The following TDRD9 variants were observed in gnomAD, a reference collection of about 807,000 sequenced individuals.
The protein encoded by TDRD9 is ATP-dependent RNA helicase TDRD9.
TDRD9 carries 124 observed loss-of-function variants against 172.6 expected under a neutral mutation model. The ratio of observed to expected loss-of-function variants is 0.72; its 90% CI spans 0.62 to 0.83. The LOEUF (loss-of-function observed/expected upper bound fraction) is 0.83, where lower values mean the gene tolerates loss of function less well. Among genes scored for constraint, TDRD9 ranks in the 40% least tolerant of loss-of-function variants. The pLI, the probability that TDRD9 is intolerant of heterozygous loss-of-function variation, is 0.00. For missense variants in TDRD9, 1,479 were observed against 1,714.1 expected, an observed-to-expected ratio of 0.86 and a Z score of 2.42; for synonymous variants, 619 against 617.1, an observed-to-expected ratio of 1.00 and a Z score of -0.05.
intron 11 of TDRD9, among the ~76,000 whole-genome samples, chr14:103,995,116 A>G (rs1364636751): frequency 6.6e-6 from 1 of 152,104 alleles, no homozygotes; most frequent in African/African-American, 2.4e-5. Context: ...TGTTTTCTCA[A>G]TTCAGGAATT....
At chr14:103,973,406 G>A (rs910330294) in intron 6 of TDRD9, among the ~76,000 whole-genome samples, 2 of 151,986 alleles carry the variant, frequency 1.3e-5, no homozygotes, top group Non-Finnish European at 2.9e-5. Context: ...TGGTTCCCCC[G>A]ACCTGGCTTC....
chr14:104,022,382 A>G (rs2034984238), intron 24 of TDRD9, 52 bp downstream of exon 24: 2 of 1,562,910 alleles, frequency 1.3e-6, no homozygotes, highest in East Asian at 4.5e-5. Context: ...TCACATTCTC[A>G]GGTGCTATTT....
intron 8 of TDRD9, among the ~76,000 whole-genome samples, chr14:103,988,154 G>A (rs537004741): frequency 6.6e-6 from 1 of 151,080 alleles, no homozygotes; most frequent in Non-Finnish European, 1.5e-5. Context: ...TGTATCTCCT[G>A]TAGACAACAT....
intron 34 of TDRD9, among the ~76,000 whole-genome samples, chr14:104,047,658 C>T (rs1392814013): frequency 4.6e-5 from 7 of 152,160 alleles, no homozygotes; most frequent in Non-Finnish European, 8.8e-5. Context: ...CTGACACGGT[C>T]GATACGGCCT....
chr14:103,991,370 A>T, intron 9 of TDRD9, 146 bp downstream of exon 9: 3 of 849,384 alleles, frequency 3.5e-6, no homozygotes, highest in Admixed American at 6.1e-5. Context: ...TGTAACTTTC[A>T]GTTTGGCTTT....
In TDRD9 at chr14:103,965,392, T is replaced by C; in HGVS notation, c.480T>C (p.Gly160=). The C allele has an allele frequency of 6.4e-7, 1 of 1,551,614 alleles. No individual in the cohort carries two copies. The highest frequency in any genetic ancestry group is 8.7e-7 in the Non-Finnish European group (1 of 1,146,968). ...TTATCCATGGGGCCACGGGAAGCGG[T>C]AAAAGCACTCAGCTCCCGCAGTATA... The part of the protein sequence containing the change: ...VVIIHGATGS[G]KSTQLPQYIL... The change falls in exon 4 of 36, where the codon GGT becomes GGC. Residue 160 remains glycine, a synonymous_variant. Coordinates refer to ENST00000409874, the MANE Select transcript of TDRD9 (RefSeq NM_153046.3).
At position 104,004,321 on chromosome 14, in the gene TDRD9, G is replaced by A; in HGVS notation, c.1567G>A (p.Val523Ile). ...FWDNSIPDHV[V>I]PEMLRCPLGS... ...GGACAACTCCATCCCTGATCATGTTGTTCCTGAGATGTTGGTAATTCACTT... is the reference window on the plus strand; with the variant it reads ...GGACAACTCCATCCCTGATCATGTTATTCCTGAGATGTTGGTAATTCACTT... The change falls in exon 14 of 36, where the codon GTT becomes ATT. Residue 523 changes from valine to isoleucine, a missense_variant. By Grantham distance (29) the Val-to-Ile change is conservative. Around this residue, in one of 3 missense-constraint regions of TDRD9, gnomAD observed 1,413 missense variants for 1,649.1 expected, o/e 0.86. Coordinates refer to ENST00000409874, the MANE Select transcript of TDRD9 (RefSeq NM_153046.3). The A allele has an allele frequency of 6.3e-7, 1 of 1,583,068 alleles. No individual in the cohort carries two copies. Among genetic ancestry groups the A allele is most frequent in the African/African-American group, 1.3e-5 (1 of 74,532 alleles).
At position 103,995,768 on chromosome 14, in the gene TDRD9, A is replaced by G; in HGVS notation, c.1339A>G (p.Ile447Val). The G allele has an allele frequency of 1.2e-6, 2 of 1,609,248 alleles. No individual in the cohort carries two copies. Among genetic ancestry groups the G allele is most frequent in the Non-Finnish European group, 1.7e-6 (2 of 1,178,020 alleles). The change falls in exon 12 of 36, where the codon ATT (isoleucine) becomes GTT (valine). Residue 447 changes from isoleucine to valine, a missense_variant. Physicochemically the swap from Ile to Val is conservative, Grantham distance 29. Transcript: ENST00000409874. ...TTAACAGATTATTCTGTCCACCAAT[A>G]TTGCAGAGAGTTCTGTCACAGTTCC... is the stretch of plus-strand genomic sequence containing the variant. The part of the protein sequence containing the change: ...GYRKIILSTN[I>V]AESSVTVPDV...
At chr14:104,012,319 A>G (rs2034638288) in intron 20 of TDRD9, among the ~76,000 whole-genome samples, 1 of 152,262 alleles carries the variant, frequency 6.6e-6, no homozygotes, top group Non-Finnish European at 1.5e-5. Context: ...GAGCTGGGCC[A>G]GGGCCAAGCC....
Position 103,995,769 on chromosome 14 carries a change from T to C in TDRD9, c.1340T>C (p.Ile447Thr). 1 of 1,609,578 alleles carries C rather than the reference T, an allele frequency of 6.2e-7. No homozygotes were observed. Among genetic ancestry groups the C allele is most frequent in the Non-Finnish European group, 8.5e-7 (1 of 1,178,244 alleles). Residue 447 changes from isoleucine (I) to threonine (T), a missense_variant, in exon 12 of 36, where the codon ATT becomes ACT. Transcript: ENST00000409874. Reference protein sequence around the residue: ...GYRKIILSTNIAESSVTVPDV... With the variant: ...GYRKIILSTNTAESSVTVPDV... ...TAACAGATTATTCTGTCCACCAATA[T>C]TGCAGAGAGTTCTGTCACAGTTCCA... is the stretch of plus-strand genomic sequence containing the variant.
At chr14:104,028,965 C>G (rs75769224) in intron 28 of TDRD9, among the ~76,000 whole-genome samples, 3,476 of 152,234 alleles carry the variant, frequency 0.023, 78 homozygotes, top group East Asian at 0.071. Flanking sequence ...GTTCTTGGAG[C>G]CTTTGTTGAA....
In TDRD9 at chr14:104,033,973, GAGA is replaced by G. The variant is rs1958060830; in HGVS notation, c.3526_3528del (p.Lys1176del). The G allele has an allele frequency of 6.5e-7, 1 of 1,549,970 alleles. No homozygotes were observed. The highest frequency in any genetic ancestry group is 8.7e-7 in the Non-Finnish European group (1 of 1,145,230). On this transcript the variant is annotated inframe_deletion, in exon 31 of 36. Transcript: ENST00000409874. ...CCTGCCTTTTAGGTGTGTTTGGATT[GAGA>G]AGGAGAGCATCAACTCTGTCATTAT... is the stretch of plus-strand genomic sequence containing the variant.
At chr14:104,002,317 CAAAAAA>C (rs200021451) in intron 13 of TDRD9, among the ~76,000 whole-genome samples, 5 of 128,742 alleles carry the variant, frequency 3.9e-5, no homozygotes, top group African/African-American at 5.7e-5. Context: ...GATGCTGTTT[CAAAAAA>C]AAAAAAAAAA....
chr14:104,048,579 C>T (rs1378052644), intron 34 of TDRD9, among the ~76,000 whole-genome samples: 3 of 152,142 alleles, frequency 2.0e-5, no homozygotes, highest in African/African-American at 4.8e-5. Context: ...TTGAAAAGTG[C>T]ACTCCAAGTT....
chr14:103,943,515 CT>C (rs71462605), intron 1 of TDRD9, among the ~76,000 whole-genome samples: 3,501 of 133,230 alleles, frequency 0.026, 52 homozygotes, highest in East Asian at 0.069. Context: ...ACATACATTT[CT>C]TTTTTTTTTT....
intron 2 of TDRD9, among the ~76,000 whole-genome samples, chr14:103,956,150 A>ATATATATATATATATAT (rs2032229424): frequency 9.4e-6 from 1 of 106,200 alleles, no homozygotes; most frequent in African/African-American, 3.6e-5. Context: ...ATATATATAT[A>ATATATATATATATATAT]ATTATTAGGC....
chr14:103,941,929 A>G lies in TDRD9; in HGVS notation c.215+13205A>G, dbSNP rs191191090. On this transcript the variant is annotated intron_variant, in intron 1 of 35. Coordinates refer to ENST00000409874, the MANE Select transcript of TDRD9 (RefSeq NM_153046.3). ...TTTTATGTAGCTTAGCAGAAATTAG[A>G]TATACAAAGTCAGAGATAACATATA... Among the ~76,000 whole-genome samples the G allele has an allele frequency of 1.5e-4, 23 of 152,360 alleles. No homozygotes were observed. In the East Asian group the frequency reaches 4.2e-3, roughly 28 times the overall value.
chr14:104,007,025 A>G lies in TDRD9; in HGVS notation c.2008-135A>G. On this transcript the variant is annotated intron_variant, in intron 18 of 35. Coordinates refer to ENST00000409874, the MANE Select transcript of TDRD9 (RefSeq NM_153046.3). ...AAGAAGTGAGTGAGGTGGAAGTCCA[A>G]TTTTATGAAATTGATTGAAAAAATT... is the stretch of plus-strand genomic sequence containing the variant. 2.8e-6 allele frequency: 3 copies of G among 1,058,794 alleles called. No homozygotes were observed. The South Asian group carries it at 4.9e-5, about 17-fold the overall frequency. 65.6% of individuals were successfully genotyped at this position (1,058,794 alleles called of 1,614,324 possible). A position where few individuals can be genotyped will look rare whatever the true frequency, so the allele number is the denominator to read the frequency against.
chr14:103,976,240 A>G (rs763211925), intron 7 of TDRD9, among the ~76,000 whole-genome samples: 2 of 151,020 alleles, frequency 1.3e-5, no homozygotes, highest in African/African-American at 2.4e-5. Flanking sequence ...AATTGTGTGT[A>G]TATACTATAT....
Sources: gnomAD v4.1 joint callset for allele counts (sites outside exome capture counted in the v4.1 genomes callset) on GRCh38, gnomAD v4.1.1 for gene constraint, gnomAD v4.1.1 regional missense constraint, MANE v1.5 for transcripts, NCBI Gene and HGNC (gene_info 2026-07-23, HGNC 2026-07-21) for gene names.